Variants in VTI1B observed in about 807,000 individuals in gnomAD.
VTI1B encodes the protein vesicle transport through interaction with t-SNAREs 1B.
VTI1B carries 18 observed loss-of-function variants against 28.6 expected under a neutral mutation model. The observed-to-expected ratio is 0.63, with a 90% CI of 0.43 to 0.93. The LOEUF is 0.93. Ranked by LOEUF, VTI1B falls within the 40% of genes least tolerant of loss-of-function variation. The pLI, the probability that VTI1B is intolerant of heterozygous loss-of-function variation, is 0.00. For missense variants in VTI1B, 283 were observed against 297.0 expected, an observed-to-expected ratio of 0.95 and a Z score of 0.35; for synonymous variants, 100 against 107.9, an observed-to-expected ratio of 0.93 and a Z score of 0.46.
intron 4 of VTI1B, among the ~76,000 whole-genome samples, chr14:67,654,349 C>G (rs1386486069): frequency 6.6e-6 from 1 of 151,856 alleles, no homozygotes; most frequent in Non-Finnish European, 1.5e-5. Context: ...CGCTATGTTG[C>G]CCAGGCTGGT....
rs2037135046 is a variant in VTI1B, at chr14:67,648,828, CCTTT to C, written c.*2553_*2556del. Reference sequence around the variant, plus strand: ...CTGGTTTTAAAGCTACTTCAAATGACCTTTCATTCCAAAATTTAAAGAACTACCA... The same window carrying C: ...CTGGTTTTAAAGCTACTTCAAATGACCATTCCAAAATTTAAAGAACTACCA... On this transcript the variant is annotated 3_prime_UTR_variant, in exon 6 of 6. Transcript: ENST00000554659. The C allele has an allele frequency of 6.6e-6, 1 of 152,178 alleles. No homozygotes were observed. Among genetic ancestry groups the C allele is most frequent in the African/African-American group, 2.4e-5 (1 of 41,446 alleles). The allele number at this position is 152,178 out of a possible 1,614,324, so 9.4% of individuals were successfully genotyped here.
chr14:67,655,325 T>C (rs1045323589), intron 4 of VTI1B, among the ~76,000 whole-genome samples: 2 of 152,112 alleles, frequency 1.3e-5, no homozygotes, highest in Non-Finnish European at 2.9e-5. Context: ...AGACCCTGTC[T>C]CTAAAAAACT....
intron 3 of VTI1B, 142 bp downstream of exon 3, chr14:67,659,589 G>A: frequency 3.8e-6 from 3 of 798,348 alleles, no homozygotes; most frequent in Non-Finnish European, 5.5e-6. Flanking sequence ...GGAACTGGAT[G>A]CAGAAAAGAG....
chr14:67,674,275 G>A, intron 1 of VTI1B, 100 bp downstream of exon 1: 1 of 1,124,390 alleles, frequency 8.9e-7, no homozygotes, highest in East Asian at 2.9e-5. Flanking sequence ...GGACGCGGAG[G>A]GAGGAGACGC....
chr14:67,661,211 A>G (rs775174178), intron 2 of VTI1B, among the ~76,000 whole-genome samples: 4 of 140,960 alleles, frequency 2.8e-5, no homozygotes, highest in Non-Finnish European at 4.6e-5. Context: ...CCCAATCTTA[A>G]TGAGTTTGCT....
chr14:67,651,126 A>T lies in VTI1B; in HGVS notation c.*259T>A. 1 of 901,900 alleles carries T rather than the reference A, an allele frequency of 1.1e-6. No homozygotes were observed. Among genetic ancestry groups the T allele is most frequent in the Non-Finnish European group, 1.6e-6 (1 of 607,156 alleles). The allele number at this position is 901,900 out of a possible 1,614,324, so 55.9% of individuals were successfully genotyped here. On this transcript the variant is annotated 3_prime_UTR_variant, in exon 6 of 6. Coordinates refer to ENST00000554659, the MANE Select transcript of VTI1B (RefSeq NM_006370.3). ...GGTTTTTTGCAGTTCACAGGGTATT[A>T]ATATGCTACAGTACTATGTAAATTT... is the stretch of plus-strand genomic sequence containing the variant.
At chr14:67,664,219 G>A (rs543062000) in intron 1 of VTI1B, among the ~76,000 whole-genome samples, 110 of 152,246 alleles carry the variant, frequency 7.2e-4, no homozygotes, top group African/African-American at 2.5e-3. Context: ...CCGTTGTGGA[G>A]CCATCACCAC....
chr14:67,650,474 A>C lies in VTI1B; in HGVS notation c.*911T>G. 1.9e-6 allele frequency: 1 copy of C among 525,972 alleles called. No homozygotes were observed. Among genetic ancestry groups the C allele is most frequent in the South Asian group, 2.4e-5 (1 of 42,132 alleles). 32.6% of individuals were successfully genotyped at this position (525,972 alleles called of 1,614,324 possible). A position where few individuals can be genotyped will look rare whatever the true frequency, so the allele number is the denominator to read the frequency against. ...ATTATGCCTGTTATGTTAGTTGAAC[A>C]GGGATGGTTTATTTCATTATCTTAA... On this transcript the variant is annotated 3_prime_UTR_variant, in exon 6 of 6. Transcript: ENST00000554659.
At chr14:67,654,301 C>T (rs970296426) in intron 4 of VTI1B, among the ~76,000 whole-genome samples, 2 of 52,214 alleles carry the variant, frequency 3.8e-5, no homozygotes, top group South Asian at 6.8e-4. Flanking sequence ...GATGAGGTCT[C>T]GCTATAGAGA....
intron 3 of VTI1B, among the ~76,000 whole-genome samples, chr14:67,658,028 C>T (rs1468008786): frequency 6.6e-6 from 1 of 152,140 alleles, no homozygotes; most frequent in Non-Finnish European, 1.5e-5. Context: ...GGATTACAGG[C>T]GTAAGCCACT....
chr14:67,659,031 A>G (rs569011397), intron 3 of VTI1B, among the ~76,000 whole-genome samples: 1 of 152,352 alleles, frequency 6.6e-6, no homozygotes, highest in African/African-American at 2.4e-5. Context: ...AGACAGACCA[A>G]ATGCAGCACA....
chr14:67,661,720 T>TG (rs78521130), intron 2 of VTI1B, among the ~76,000 whole-genome samples: 18,999 of 151,456 alleles, frequency 0.13, 1,228 homozygotes, highest in Admixed American at 0.15. Context: ...TTGGTAGAGA[T>TG]GGGGGGTCTC....
intron 3 of VTI1B, 25 bp from the exon 4 acceptor site, chr14:67,656,614 G>A (rs1380670111): frequency 6.3e-7 from 1 of 1,583,498 alleles, no homozygotes; most frequent in Non-Finnish European, 8.6e-7. Context: ...GAAGAGAAAT[G>A]TTAGACTTTT....
At chr14:67,668,347 G>A (rs1286158302) in intron 1 of VTI1B, among the ~76,000 whole-genome samples, 1 of 152,094 alleles carries the variant, frequency 6.6e-6, no homozygotes, top group Non-Finnish European at 1.5e-5. Context: ...AATATTAAAT[G>A]GATTAATAAT....
chr14:67,664,334 G>A (rs1423833364), intron 1 of VTI1B, among the ~76,000 whole-genome samples: 8 of 152,110 alleles, frequency 5.3e-5, no homozygotes, highest in Non-Finnish European at 5.9e-5. Context: ...CCATTAAGTG[G>A]AATCATACAA....
intron 1 of VTI1B, among the ~76,000 whole-genome samples, chr14:67,663,546 C>A (rs533166928): frequency 7.3e-5 from 11 of 151,398 alleles, no homozygotes; most frequent in African/African-American, 2.7e-4. Flanking sequence ...TGGTGGTGGG[C>A]GCCTGTATTC....
chr14:67,665,251 A>C (rs1295120756), intron 1 of VTI1B, among the ~76,000 whole-genome samples: 2 of 142,558 alleles, frequency 1.4e-5, no homozygotes, highest in African/African-American at 5.1e-5. Context: ...ATCTAATGTC[A>C]GTTATATCTT....
intron 1 of VTI1B, among the ~76,000 whole-genome samples, chr14:67,662,749 C>T (rs1246268572): frequency 6.6e-6 from 1 of 151,822 alleles, no homozygotes; most frequent in Non-Finnish European, 1.5e-5. Flanking sequence ...ACTAACGATA[C>T]AAAAATTAGC....
rs1034185588 is a variant in VTI1B at position 67,674,552 on chromosome 14, G to C, written c.-63C>G. The C allele has an allele frequency of 3.5e-6, 5 of 1,437,392 alleles. No homozygotes were observed. The highest frequency in any genetic ancestry group is 4.6e-6 in the Non-Finnish European group (5 of 1,081,964). 89.0% of individuals were successfully genotyped at this position (1,437,392 alleles called of 1,614,324 possible). On this transcript the variant is annotated 5_prime_UTR_variant, in exon 1 of 6. Coordinates refer to ENST00000554659, the MANE Select transcript of VTI1B (RefSeq NM_006370.3). ...GGGGCCCTGGGCCCTTTCCTAGCCC[G>C]GCGGTCAGCCGCCCAGCCCAGTGGC...
Sources: gnomAD v4.1 joint callset for allele counts (sites outside exome capture counted in the v4.1 genomes callset) on GRCh38, gnomAD v4.1.1 for gene constraint, MANE v1.5 for transcripts, NCBI Gene and HGNC (gene_info 2026-07-23, HGNC 2026-07-21) for gene names.